Variants in CILP observed in about 807,000 individuals in gnomAD.
CILP encodes the protein cartilage intermediate layer protein.
In CILP, 75 loss-of-function variants were observed where a neutral mutation model predicts 82.5. The ratio of observed to expected loss-of-function variants is 0.91; its 90% confidence interval spans 0.75 to 1.10. The LOEUF is 1.10. CILP is among the 50% of genes least tolerant of loss of function. CILP has a pLI of 0.00. For synonymous variants in CILP, 530 were observed against 580.3 expected (o/e 0.91, Z 1.25); for missense variants, 1,479 against 1,530.8 (o/e 0.97, Z 0.56).
At chr15:65,209,891 A>G (rs572424580) in intron 1 of CILP, 30 bp from the exon 2 acceptor site, 4 of 677,966 alleles carry the variant, frequency 5.9e-6, no homozygotes, top group South Asian at 3.7e-5. Flanking sequence ...GTCAGGTTTC[A>G]TATTTCTGAA....
intron 1 of CILP, among the ~76,000 whole-genome samples, chr15:65,210,474 A>G (rs2088573619): frequency 6.6e-6 from 1 of 152,166 alleles, no homozygotes; most frequent in South Asian, 2.1e-4. Context: ...GAGGGGATGC[A>G]TTGTGAGAGG....
At position 65,197,375 on chromosome 15, in the gene CILP, G is replaced by A. The variant is rs369696446; in HGVS notation, c.2911C>T (p.Arg971Cys). 3.8e-5 allele frequency: 62 copies of A among 1,614,058 alleles called. No homozygotes were observed. The highest frequency in any genetic ancestry group is 9.3e-5 in the African/African-American group (7 of 74,904). The stretch of plus-strand genomic sequence containing the variant: ...TGCCGATGAGTGCCCCCCATGTTGC[G>A]GGATCGCACATTCACTTCCAGTGGC... ...VGPLEVNVRS[R>C]NMGGTHRQTV... The change falls in exon 9 of 9, where the codon CGC becomes TGC. Residue 971 changes from arginine (R) to cysteine (C), a missense_variant. Coordinates refer to ENST00000261883, the MANE Select transcript of CILP (RefSeq NM_003613.4).
At chr15:65,202,171 C>T (rs1325742403) in intron 7 of CILP, 142 bp from the exon 8 acceptor site, 2 of 662,762 alleles carry the variant, frequency 3.0e-6, no homozygotes, top group Non-Finnish European at 4.8e-6. Context: ...TTGGCTCATC[C>T]AAGAGCACTA....
In CILP at chr15:65,198,700, TG is replaced by T; in HGVS notation, c.1585del (p.His529MetfsTer89). 6.2e-7 allele frequency: 1 copy of T among 1,614,180 alleles called. No individual in the cohort carries two copies. Among genetic ancestry groups the T allele is most frequent in the South Asian group, 1.1e-5 (1 of 91,084 alleles). On this transcript the variant is annotated frameshift_variant, in exon 9 of 9. Coordinates refer to ENST00000261883, the MANE Select transcript of CILP (RefSeq NM_003613.4). LOFTEE classifies it high-confidence loss of function. Reference protein sequence around the residue: ...MTGYKGTFTLHVPQDTERLVL... With the variant: ...MTGYKGTFTLXVPQDTERLVL... ...CAGCCTCTCAGTGTCCTGGGGGACA[TG>T]GAGGGTGAAAGTGCCCTTGTAGCCA...
chr15:65,199,386 C>T (rs2088423322), intron 8 of CILP, among the ~76,000 whole-genome samples: 1 of 152,192 alleles, frequency 6.6e-6, no homozygotes, highest in African/African-American at 2.4e-5. Context: ...ATTGGGGATG[C>T]TACTGGCATA....
In CILP at chr15:65,197,525, G is replaced by T; in HGVS notation, c.2761C>A (p.Arg921=). Residue 921 remains arginine (R), a synonymous_variant, in exon 9 of 9, where the codon CGA becomes AGA. Transcript: ENST00000261883. ...AAGGGGACTGTGTTGTAGTCATATC[G>T]ATCCCCCTCAATCTGGTAGAACCGG... ...HFRFYQIEGD[R]YDYNTVPFNE... The T allele has an allele frequency of 6.2e-7, 1 of 1,614,176 alleles. No individual in the cohort carries two copies. Among genetic ancestry groups the T allele is most frequent in the Admixed American group, 1.7e-5 (1 of 60,020 alleles).
intron 7 of CILP, among the ~76,000 whole-genome samples, chr15:65,202,858 C>G (rs1314694475): frequency 9.9e-6 from 1 of 101,240 alleles, no homozygotes; most frequent in Non-Finnish European, 1.9e-5. Context: ...TTTTTTGAGA[C>G]AAGATCACAC....
In CILP at chr15:65,209,804, T is replaced by C. The variant is rs1222709191; in HGVS notation, c.-49A>G. On this transcript the variant is annotated 5_prime_UTR_variant, in exon 2 of 9. Transcript: ENST00000261883. ...GTGGCAAGAGGTAGATGTGGGTGCT[T>C]CACAGAGTCACTGACTCTGGAATGC... The C allele has an allele frequency of 1.9e-6, 3 of 1,555,372 alleles. No individual in the cohort carries two copies. The highest frequency in any genetic ancestry group is 2.7e-6 in the Non-Finnish European group (3 of 1,126,798).
At chr15:65,203,057 G>A (rs183507731) in intron 7 of CILP, among the ~76,000 whole-genome samples, 2 of 152,008 alleles carry the variant, frequency 1.3e-5, no homozygotes, top group Admixed American at 6.6e-5. Flanking sequence ...GGCTGGTCTC[G>A]AGCTCCTGGG....
chr15:65,203,284 T>TTAATAAGTCCAGACCC (rs2088480526), intron 7 of CILP, 78 bp downstream of exon 7: 1 of 910,516 alleles, frequency 1.1e-6, no homozygotes, highest in South Asian at 1.5e-5. Flanking sequence ...ATTGTTCTTA[T>TTAATAAGTCCAGACCC]TAATAAGTCC....
chr15:65,207,113 C>T, intron 3 of CILP, 62 bp from the exon 4 acceptor site: 1 of 1,555,040 alleles, frequency 6.4e-7, no homozygotes, highest in South Asian at 1.2e-5. Flanking sequence ...TTCTCCTTTC[C>T]CTCTCACCCA....
In CILP at chr15:65,198,511, A is replaced by G; in HGVS notation, c.1775T>C (p.Val592Ala). The change falls in exon 9 of 9, where the codon GTG (valine) becomes GCG (alanine). Residue 592 changes from valine to alanine, a missense_variant. Transcript: ENST00000261883. ...METNIIPLGEVVGEDPMAELE... is the reference protein window; with the variant it reads ...METNIIPLGEAVGEDPMAELE... ...TTCAGCCATGGGGTCTTCACCAACC[A>G]CTTCCCCCAGGGGGATGATGTTGGT... is the stretch of plus-strand genomic sequence containing the variant. The G allele has an allele frequency of 1.2e-6, 2 of 1,614,100 alleles. No homozygotes were observed. The highest frequency in any genetic ancestry group is 2.2e-5 in the South Asian group (2 of 91,078).
intron 4 of CILP, 32 bp from the exon 5 acceptor site, chr15:65,205,498 T>A (rs2088509783): frequency 6.4e-7 from 1 of 1,565,754 alleles, no homozygotes; most frequent in Non-Finnish European, 8.7e-7. Context: ...CGGTCTGATT[T>A]CCCTCTTGAG....
intron 4 of CILP, 120 bp downstream of exon 4, chr15:65,206,662 A>G (rs966305394): frequency 1.8e-6 from 2 of 1,085,642 alleles, no homozygotes; most frequent in African/African-American, 3.2e-5. Context: ...ATTATTACAG[A>G]GTCCAAGCAT....
rs1290005799 is a variant in CILP, at chr15:65,198,411, G to T, written c.1875C>A (p.Thr625=). ...TGGAAATATTCCGGGGATCCAGGAA[G>T]GTCACACTGGCCTTCACTTTTCCTA... ...PYIGKVKASV[T]FLDPRNISTA... is the part of the protein sequence containing the mutation. Residue 625 remains threonine, a synonymous_variant, in exon 9 of 9, where the codon ACC becomes ACA. Coordinates refer to ENST00000261883, the MANE Select transcript of CILP (RefSeq NM_003613.4). The T allele has an allele frequency of 6.2e-7, 1 of 1,614,232 alleles. No individual in the cohort carries two copies. Among genetic ancestry groups the T allele is most frequent in the East Asian group, 2.2e-5 (1 of 44,890 alleles).
Position 65,197,975 on chromosome 15 carries a change from G to C in CILP, c.2311C>G (p.Gln771Glu), listed in dbSNP as rs775493796. The change falls in exon 9 of 9, where the codon CAG (glutamine) becomes GAG (glutamate). Residue 771 changes from glutamine to glutamate, a missense_variant. Transcript: ENST00000261883. ...TTAATCACGGAGATCACAACCCCCT[G>C]GATCTGCTCACTAGGCAAGAACCTC... ...SERFLPSEQI[Q>E]GVVISVINLE... The C allele has an allele frequency of 1.1e-5, 18 of 1,614,034 alleles. No individual in the cohort carries two copies. Among genetic ancestry groups the C allele is most frequent in the Admixed American group, 1.7e-5 (1 of 60,010 alleles).
chr15:65,206,362 C>G (rs571488316), intron 4 of CILP, among the ~76,000 whole-genome samples: 2 of 152,046 alleles, frequency 1.3e-5, no homozygotes, highest in Non-Finnish European at 2.9e-5. Flanking sequence ...CATTAAAAAC[C>G]CCTATGAAGA....
Position 65,198,503 on chromosome 15 carries a change from C to T in CILP, c.1783G>A (p.Glu595Lys). The T allele has an allele frequency of 6.2e-7, 1 of 1,614,234 alleles. No homozygotes were observed. The highest frequency in any genetic ancestry group is 8.5e-7 in the Non-Finnish European group (1 of 1,180,042). The change falls in exon 9 of 9, where the codon GAA becomes AAA. Residue 595 changes from glutamate (E) to lysine (K), a missense_variant. Glu to Lys is a moderately conservative substitution (Grantham distance 56, BLOSUM62 1). Transcript: ENST00000261883. ...NIIPLGEVVG[E>K]DPMAELEIPS... ...ATCTCCAGTTCAGCCATGGGGTCTT[C>T]ACCAACCACTTCCCCCAGGGGGATG...
intron 1 of CILP, among the ~76,000 whole-genome samples, chr15:65,210,228 T>C (rs1397852380): frequency 6.6e-6 from 1 of 152,058 alleles, no homozygotes; most frequent in Non-Finnish European, 1.5e-5. Context: ...TTGCCATCCT[T>C]TGATGGAGTT....
Sources: gnomAD v4.1 joint callset for allele counts (sites outside exome capture counted in the v4.1 genomes callset) on GRCh38, gnomAD v4.1.1 for gene constraint, MANE v1.5 for transcripts, NCBI Gene and HGNC (gene_info 2026-07-23, HGNC 2026-07-21) for gene names.